Variants in APPBP2 observed in about 807,000 individuals in gnomAD.
APPBP2 encodes the protein amyloid protein-binding protein 2.
Under a neutral mutation model 76.0 loss-of-function variants are expected in APPBP2, and 15 were observed. That is an observed-to-expected ratio of 0.20 (90% CI 0.13 to 0.30). The LOEUF (loss-of-function observed/expected upper bound fraction) is 0.30, where lower values mean the gene tolerates loss of function less well. Among genes scored for constraint, APPBP2 ranks in the 10% least tolerant of loss-of-function variants. The pLI, the probability that APPBP2 is intolerant of heterozygous loss-of-function variation, is 1.00. For missense variants in APPBP2, 401 were observed against 687.2 expected (o/e 0.58, Z 4.66); for synonymous variants, 222 against 242.2 (o/e 0.92, Z 0.77).
chr17:60,476,859 G>A lies in APPBP2; in HGVS notation c.503+2289C>T, dbSNP rs866113083. On this transcript the variant is annotated intron_variant, in intron 4 of 12. Coordinates refer to ENST00000083182, the MANE Select transcript of APPBP2 (RefSeq NM_006380.5). ...CTCCCAAAGTGCTAGGATTACAGTC[G>A]TGAGCCACTGCACCCAGCCAGTTAT... Among the ~76,000 whole-genome samples the A allele has an allele frequency of 3.9e-4, 60 of 152,220 alleles. 2 individuals are homozygous for A. The highest frequency in any genetic ancestry group is 1.0e-4 in the Non-Finnish European group (7 of 68,004).
At chr17:60,511,863 TC>T (rs1209146406) in intron 1 of APPBP2, among the ~76,000 whole-genome samples, 1 of 152,058 alleles carries the variant, frequency 6.6e-6, no homozygotes, top group Admixed American at 6.6e-5. Context: ...TAAACTTTAA[TC>T]CTCTATTATA....
intron 1 of APPBP2, among the ~76,000 whole-genome samples, chr17:60,501,432 T>G (rs1372053531): frequency 6.6e-6 from 1 of 152,144 alleles, no homozygotes; most frequent in Non-Finnish European, 1.5e-5. Flanking sequence ...GCCCAGGCAA[T>G]ACAATACCCA....
intron 1 of APPBP2, chr17:60,513,554 C>G (rs997213528): frequency 1.9e-5 from 9 of 475,090 alleles, no homozygotes; most frequent in Non-Finnish European, 2.7e-5. Context: ...CCACCAAAAT[C>G]AATGTTTTCT....
At chr17:60,478,719 C>T (rs551824360) in intron 4 of APPBP2, among the ~76,000 whole-genome samples, 13 of 152,144 alleles carry the variant, frequency 8.5e-5, no homozygotes, top group South Asian at 2.1e-4. Flanking sequence ...GTCAGGAGTT[C>T]GAGACCAGCC....
At chr17:60,466,518 G>A (rs2090512925) in intron 4 of APPBP2, 59 bp from the exon 5 acceptor site, 1 of 1,499,446 alleles carries the variant, frequency 6.7e-7, no homozygotes, top group Non-Finnish European at 9.1e-7. Flanking sequence ...TAGACCTGAT[G>A]ACCTCTTACC....
intron 1 of APPBP2, among the ~76,000 whole-genome samples, chr17:60,517,908 T>C (rs2090975765): frequency 6.6e-6 from 1 of 152,206 alleles, no homozygotes; most frequent in Admixed American, 6.5e-5. Flanking sequence ...GCCATTCATA[T>C]TTCCTCTTCT....
chr17:60,447,494 C>T lies in APPBP2; in HGVS notation c.*87G>A. The T allele has an allele frequency of 6.8e-7, 1 of 1,480,396 alleles. No homozygotes were observed. 91.7% of individuals were successfully genotyped at this position (1,480,396 alleles called of 1,614,324 possible). On this transcript the variant is annotated 3_prime_UTR_variant, in exon 13 of 13. Transcript: ENST00000083182. ...TGGACCAGTGTTTCAATGCAAATTCCAGCCCCCCAAAACAACATGGTTTTG... is the reference window on the plus strand; with the variant it reads ...TGGACCAGTGTTTCAATGCAAATTCTAGCCCCCCAAAACAACATGGTTTTG...
chr17:60,507,160 A>C (rs2090874935), intron 1 of APPBP2, among the ~76,000 whole-genome samples: 1 of 152,162 alleles, frequency 6.6e-6, no homozygotes, highest in Non-Finnish European at 1.5e-5. Flanking sequence ...ACCCATACCC[A>C]AGTAGCAAAA....
chr17:60,497,641 AC>A (rs1312866435), intron 2 of APPBP2, among the ~76,000 whole-genome samples: 3 of 152,068 alleles, frequency 2.0e-5, no homozygotes, highest in Admixed American at 6.6e-5. Context: ...TGTACTATGT[AC>A]CCCCAAAAAC....
At chr17:60,479,937 C>G (rs1462593094) in intron 3 of APPBP2, among the ~76,000 whole-genome samples, 1 of 152,138 alleles carries the variant, frequency 6.6e-6, no homozygotes, top group African/African-American at 2.4e-5. Context: ...GATGAAAACA[C>G]TTGAGTCACA....
chr17:60,473,311 A>G (rs1850122111), intron 4 of APPBP2, among the ~76,000 whole-genome samples: 1 of 152,172 alleles, frequency 6.6e-6, no homozygotes, highest in Admixed American at 6.6e-5. Context: ...CTAAATAATG[A>G]TGCCCTTTCC....
At position 60,443,913 on chromosome 17, in the gene APPBP2, T is replaced by C. The variant is rs915710469; in HGVS notation, c.*3668A>G. On this transcript the variant is annotated 3_prime_UTR_variant, in exon 13 of 13. Transcript: ENST00000083182. ...CTGCCTAAAACATTCCTGAGATTTA[T>C]GGACAAAAGAAGTACTGTTGAAGCT... 1 of 152,590 alleles carries C rather than the reference T, an allele frequency of 6.6e-6. No individual in the cohort carries two copies. Among genetic ancestry groups the C allele is most frequent in the African/African-American group, 2.4e-5 (1 of 41,426 alleles). The allele number at this position is 152,590 out of a possible 1,614,324, so 9.5% of individuals were successfully genotyped here.
At chr17:60,471,179 A>G (rs1293583743) in intron 4 of APPBP2, among the ~76,000 whole-genome samples, 1 of 152,062 alleles carries the variant, frequency 6.6e-6, no homozygotes, top group African/African-American at 2.4e-5. Context: ...TGATTTGCAA[A>G]TATTTTCTCC....
chr17:60,466,776 T>C (rs1304615429), intron 4 of APPBP2, among the ~76,000 whole-genome samples: 1 of 152,210 alleles, frequency 6.6e-6, no homozygotes, highest in Admixed American at 6.5e-5. Context: ...ACAAGTAATA[T>C]AGCTTCAGTA....
chr17:60,458,084 G>C (rs1379686550), intron 9 of APPBP2, among the ~76,000 whole-genome samples: 1 of 152,022 alleles, frequency 6.6e-6, no homozygotes, highest in Non-Finnish European at 1.5e-5. Flanking sequence ...TCTTTCACTG[G>C]GCACAGTGTT....
chr17:60,509,658 C>T (rs570257340), intron 1 of APPBP2, among the ~76,000 whole-genome samples: 1 of 152,220 alleles, frequency 6.6e-6, no homozygotes, highest in South Asian at 2.1e-4. Flanking sequence ...CAAAATTAGC[C>T]GGGCGTGGTG....
chr17:60,486,359 T>C (rs1490834916), intron 3 of APPBP2, among the ~76,000 whole-genome samples: 3 of 152,210 alleles, frequency 2.0e-5, no homozygotes, highest in Non-Finnish European at 4.4e-5. Context: ...TCTAAGGACT[T>C]GCCTTATGAA....
chr17:60,452,202 T>C (rs560617765), intron 11 of APPBP2, among the ~76,000 whole-genome samples, 157 bp from the exon 12 acceptor site: 7 of 152,310 alleles, frequency 4.6e-5, no homozygotes, highest in African/African-American at 1.7e-4. Context: ...AAATTGCCTA[T>C]GGGAAGCATT....
rs566489874 is a variant in APPBP2, at chr17:60,510,943, A to AAATT, written c.139-10460_139-10457dup. ...CTAGGTCAATCATCCATGAAACAAG[A>AAATT]AATTAAGAGTTTTCCCCCCCAATGG... is the stretch of plus-strand genomic sequence containing the variant. On this transcript the variant is annotated intron_variant, in intron 1 of 12. Coordinates refer to ENST00000083182, the MANE Select transcript of APPBP2 (RefSeq NM_006380.5). 7.5e-5 allele frequency among the ~76,000 whole-genome samples: 10 copies of AAATT among 132,648 alleles called. No homozygotes were observed. In the South Asian group the frequency reaches 1.5e-3, roughly 19 times the overall value. The allele number at this position is 132,648 out of a possible 152,430, so 87.0% of individuals were successfully genotyped here. A position where few individuals can be genotyped will look rare whatever the true frequency, so the allele number is the denominator to read the frequency against.
Sources: allele counts gnomAD v4.1 joint callset (sites outside exome capture counted in the v4.1 genomes callset), GRCh38; gene constraint gnomAD v4.1.1; transcripts MANE v1.5; gene names NCBI Gene and HGNC (gene_info 2026-07-23, HGNC 2026-07-21).